The following ZFAND3 variants were observed in gnomAD, a reference collection of about 807,000 sequenced individuals.
ZFAND3 encodes the protein AN1-type zinc finger protein 3.
In ZFAND3, 10 loss-of-function variants were observed where a neutral mutation model predicts 29.6. The ratio of observed to expected loss-of-function variants is 0.34; its 90% CI spans 0.21 to 0.57. The LOEUF is 0.57. Among genes scored for constraint, ZFAND3 ranks in the 20% least tolerant of loss-of-function variants. ZFAND3 has a pLI of 0.86. For synonymous variants in ZFAND3, 128 were observed against 112.6 expected (o/e 1.14, Z -0.87); for missense variants, 230 against 304.5 (o/e 0.76, Z 1.82).
intron 5 of ZFAND3, among the ~76,000 whole-genome samples, chr6:38,140,727 A>G (rs894928708): frequency 2.6e-5 from 4 of 152,156 alleles, no homozygotes; most frequent in African/African-American, 9.6e-5. Context: ...CCCCTCTCCT[A>G]CACCCCCAAG....
intron 2 of ZFAND3, among the ~76,000 whole-genome samples, chr6:37,989,469 C>G (rs1253763284): frequency 6.6e-6 from 1 of 152,174 alleles, no homozygotes; most frequent in African/African-American, 2.4e-5. Context: ...GAGATCAGCT[C>G]TCTTGTTTCT....
chr6:37,903,520 A>G (rs1183767941), intron 1 of ZFAND3, among the ~76,000 whole-genome samples: 6 of 152,188 alleles, frequency 3.9e-5, no homozygotes, highest in Non-Finnish European at 8.8e-5. Context: ...CTTGCTACCA[A>G]GCTTTTACTT....
chr6:38,119,973 A>G (rs1056274019), intron 5 of ZFAND3, among the ~76,000 whole-genome samples: 1 of 152,204 alleles, frequency 6.6e-6, no homozygotes, highest in Non-Finnish European at 1.5e-5. Context: ...CTTTAAATCA[A>G]CAATACCAAA....
rs546058570 is a variant in ZFAND3, at chr6:38,137,619, G to A, written c.530-14616G>A. ...AGTAAGCAAGGGAACAGATAAACAA[G>A]GTAATTTCTGATGGGAGCAGGAGAT... On this transcript the variant is annotated intron_variant, in intron 5 of 5. Transcript: ENST00000287218. 5.3e-5 allele frequency among the ~76,000 whole-genome samples: 8 copies of A among 152,240 alleles called. No homozygotes were observed. In the South Asian group the frequency reaches 1.7e-3, roughly 32 times the overall value.
intron 2 of ZFAND3, among the ~76,000 whole-genome samples, chr6:37,962,066 CAG>C (rs903499760): frequency 5.3e-5 from 8 of 152,156 alleles, no homozygotes; most frequent in African/African-American, 1.9e-4. Context: ...ACCTTTCAGA[CAG>C]AGAATTCAAA....
At chr6:37,870,282 G>T (rs1440444199) in intron 1 of ZFAND3, among the ~76,000 whole-genome samples, 1 of 104,004 alleles carries the variant, frequency 9.6e-6, no homozygotes, top group Non-Finnish European at 1.8e-5. Flanking sequence ...GCGACAGAGC[G>T]AGACTGTCTC....
At chr6:38,019,328 C>T (rs1050321752) in intron 2 of ZFAND3, among the ~76,000 whole-genome samples, 3 of 152,172 alleles carry the variant, frequency 2.0e-5, no homozygotes, top group Non-Finnish European at 4.4e-5. Flanking sequence ...ATTTTTAATA[C>T]ACTTAAAGAG....
At position 37,819,887 on chromosome 6, in the gene ZFAND3, G is replaced by A; in HGVS notation, c.-59G>A. On this transcript the variant is annotated 5_prime_UTR_variant, in exon 1 of 6. Transcript: ENST00000287218. The stretch of plus-strand genomic sequence containing the variant: ...CGCCGCCACCGCCTCCTCAGAGCGG[G>A]GCCCGGGCCCAGCCGCCGCCACCGC... 1.8e-6 allele frequency: 2 copies of A among 1,136,910 alleles called. No homozygotes were observed. Among genetic ancestry groups the A allele is most frequent in the Non-Finnish European group, 1.1e-6 (1 of 919,646 alleles). The allele number at this position is 1,136,910 out of a possible 1,614,324, so 70.4% of individuals were successfully genotyped here. A position where few individuals can be genotyped will look rare whatever the true frequency, so the allele number is the denominator to read the frequency against.
chr6:37,984,613 G>C (rs9380711), intron 2 of ZFAND3, among the ~76,000 whole-genome samples: 140,422 of 152,292 alleles, frequency 0.92, 65,537 homozygotes, highest in East Asian at 1. Flanking sequence ...CAGTGTATCA[G>C]TGCTAAAAGC....
chr6:38,017,086 T>C (rs1763264631), intron 2 of ZFAND3, among the ~76,000 whole-genome samples: 1 of 152,220 alleles, frequency 6.6e-6, no homozygotes, highest in African/African-American at 2.4e-5. Context: ...ATTTTAAAAG[T>C]TCTCCCCAGT....
At chr6:38,041,627 ACTTTTTCTTCTTCTTCTT>A (rs1763764568) in intron 2 of ZFAND3, among the ~76,000 whole-genome samples, 3 of 66,404 alleles carry the variant, frequency 4.5e-5, no homozygotes, top group African/African-American at 1.5e-4. Flanking sequence ...TTTTTTATCT[ACTTTTTCTTCTTCTTCTT>A]CTTCTTCTTC....
chr6:38,098,502 A>G lies in ZFAND3; in HGVS notation c.361+16045A>G, dbSNP rs553620035. Reference sequence around the variant, plus strand: ...TAAGAAAATGAAAACAGTATTGCCCATCTTTTTTTTTTTTTTGAGACAGAG... The same window carrying G: ...TAAGAAAATGAAAACAGTATTGCCCGTCTTTTTTTTTTTTTTGAGACAGAG... On this transcript the variant is annotated intron_variant, in intron 4 of 5. Coordinates refer to ENST00000287218, the MANE Select transcript of ZFAND3 (RefSeq NM_021943.3). 8.8e-4 allele frequency among the ~76,000 whole-genome samples: 128 copies of G among 145,372 alleles called. 2 individuals are homozygous for G. The highest frequency in any genetic ancestry group is 3.2e-3 in the African/African-American group (125 of 38,978).
intron 4 of ZFAND3, among the ~76,000 whole-genome samples, chr6:38,100,100 A>G (rs1212953696): frequency 1.3e-5 from 2 of 151,330 alleles, no homozygotes; most frequent in African/African-American, 2.4e-5. Flanking sequence ...CTCTGTCGCC[A>G]GTCACCAGGC....
At chr6:37,922,657 G>A (rs987156177) in intron 1 of ZFAND3, among the ~76,000 whole-genome samples, 3 of 152,278 alleles carry the variant, frequency 2.0e-5, no homozygotes, top group South Asian at 2.1e-4. Flanking sequence ...ACACTATATG[G>A]TATAGCCTGT....
rs11544072 is a variant in ZFAND3 at position 38,153,621 on chromosome 6, C to T, written c.*1232C>T. 1 of 985,392 alleles carries T rather than the reference C, an allele frequency of 1.0e-6. No individual in the cohort carries two copies. The highest frequency in any genetic ancestry group is 4.7e-5 in the South Asian group (1 of 21,282). The allele number at this position is 985,392 out of a possible 1,614,324, so 61.0% of individuals were successfully genotyped here. A position where few individuals can be genotyped will look rare whatever the true frequency, so the allele number is the denominator to read the frequency against. ...GGGTACATTTCTCCACCTGTGCCCC[C>T]TCATGTTCACAGAGGATTTCAGCAG... On this transcript the variant is annotated 3_prime_UTR_variant, in exon 6 of 6. Coordinates refer to ENST00000287218, the MANE Select transcript of ZFAND3 (RefSeq NM_021943.3).
In ZFAND3 at chr6:38,116,592, G is replaced by A; in HGVS notation, c.382G>A (p.Ala128Thr). 2 of 1,613,252 alleles carry A rather than the reference G, an allele frequency of 1.2e-6. No individual in the cohort carries two copies. Among genetic ancestry groups the A allele is most frequent in the Middle Eastern group, 3.3e-4 (2 of 6,058 alleles). ...CGTDSQSENE[A>T]SPVKRPRLLE... ...GTCAGATTCACAGTCTGAGAATGAG[G>A]CTTCACCAGTAAAACGGCCACGACT... The change falls in exon 5 of 6, where the codon GCT (alanine) becomes ACT (threonine). Residue 128 changes from alanine (A) to threonine (T), a missense_variant. Around this residue, in one of 2 missense-constraint regions of ZFAND3, gnomAD observed 180 missense variants for 202.5 expected, o/e 0.89. Transcript: ENST00000287218.
chr6:37,864,397 A>G (rs1764546233), intron 1 of ZFAND3, among the ~76,000 whole-genome samples: 1 of 152,220 alleles, frequency 6.6e-6, no homozygotes, highest in African/African-American at 2.4e-5. Context: ...TTCTACATGC[A>G]CATGTGTAGA....
rs1046708668 is a variant in ZFAND3, at chr6:38,154,268, C to T, written c.*1879C>T. On this transcript the variant is annotated 3_prime_UTR_variant, in exon 6 of 6. Coordinates refer to ENST00000287218, the MANE Select transcript of ZFAND3 (RefSeq NM_021943.3). Reference sequence around the variant, plus strand: ...GAGCCCTTCCCGGCCCTCCCCAGGGCCCCCCGCCCCCTCCTCTGCCTGCTG... The same window carrying T: ...GAGCCCTTCCCGGCCCTCCCCAGGGTCCCCCGCCCCCTCCTCTGCCTGCTG... The T allele has an allele frequency of 5.1e-5, 50 of 985,278 alleles. No individual in the cohort carries two copies. In the Admixed American group the frequency reaches 1.7e-3, roughly 34 times the overall value. The allele number at this position is 985,278 out of a possible 1,614,324, so 61.0% of individuals were successfully genotyped here.
At chr6:38,092,733 C>G (rs1408413962) in intron 4 of ZFAND3, among the ~76,000 whole-genome samples, 1 of 152,134 alleles carries the variant, frequency 6.6e-6, no homozygotes, top group Non-Finnish European at 1.5e-5. Context: ...ACTTCGAGTG[C>G]TCAACTTCAC....
Sources: gnomAD v4.1 joint callset for allele counts (sites outside exome capture counted in the v4.1 genomes callset) on GRCh38, gnomAD v4.1.1 for gene constraint, gnomAD v4.1.1 regional missense constraint, MANE v1.5 for transcripts, NCBI Gene and HGNC (gene_info 2026-07-23, HGNC 2026-07-21) for gene names.